ZFYVE26: variants seen among roughly 807,000 people sequenced by gnomAD.
ZFYVE26 encodes the protein zinc finger FYVE domain-containing protein 26.
A neutral mutation model predicts 276.5 loss-of-function variants in ZFYVE26; 181 were observed. The ratio of observed to expected loss-of-function variants is 0.65; its 90% CI spans 0.58 to 0.74. The LOEUF (loss-of-function observed/expected upper bound fraction) is 0.74, where lower values mean the gene tolerates loss of function less well. Ranked by LOEUF, ZFYVE26 falls within the 30% of genes least tolerant of loss-of-function variation. ZFYVE26 has a pLI of 0.00. For missense variants in ZFYVE26, 2,821 were observed against 3,097.9 expected (o/e 0.91, Z 2.12); for synonymous variants, 1,129 against 1,203.1 (o/e 0.94, Z 1.27).
intron 8 of ZFYVE26, 122 bp downstream of exon 8, chr14:67,805,095 A>T: frequency 1.1e-6 from 1 of 887,018 alleles, no homozygotes; most frequent in Non-Finnish European, 1.8e-6. Context: ...AATTTTTAGT[A>T]GCTGGTCAAC....
chr14:67,782,892 G>A lies in ZFYVE26; in HGVS notation c.4260C>T (p.Ser1420=), dbSNP rs375157574. Residue 1420 remains serine, a synonymous_variant, in exon 21 of 42, where the codon TCC becomes TCT. Transcript: ENST00000347230. ...CCCGGGACCAATCTCTGGCCACCAA[G>A]GATTCCTCAAAAGCCTCACTCAGTA... ...LDVLSEAFEE[S]LVARDWSRAL... is the part of the protein sequence containing the mutation. The A allele has an allele frequency of 3.7e-6, 6 of 1,614,096 alleles. No individual in the cohort carries two copies. In the African/African-American group the frequency reaches 6.7e-5, roughly 18 times the overall value.
At chr14:67,752,289 G>A in intron 40 of ZFYVE26, 55 bp downstream of exon 40, 1 of 1,550,568 alleles carries the variant, frequency 6.4e-7, no homozygotes. Flanking sequence ...TAAAGATGGG[G>A]ATGTGAAGAC....
chr14:67,729,489 A>G, exon 14 of ZFYVE26: 1 of 1,135,854 alleles, frequency 8.8e-7, no homozygotes, highest in Non-Finnish European at 1.3e-6. Context: ...GATGCAATCC[A>G]GGTTTGGGTT....
intron 13 of ZFYVE26, among the ~76,000 whole-genome samples, chr14:67,741,204 A>G (rs1414600235): frequency 6.6e-6 from 1 of 152,212 alleles, no homozygotes; most frequent in Non-Finnish European, 1.5e-5. Flanking sequence ...GCAGTTAAGT[A>G]GAGTTTTCCT....
chr14:67,782,657 AATAAC>A, intron 21 of ZFYVE26, 118 bp downstream of exon 21: 1 of 1,504,134 alleles, frequency 6.6e-7, no homozygotes, highest in South Asian at 1.1e-5. Context: ...GTCTCCTCTT[AATAAC>A]ATGAGATTAT....
rs184244340 is a variant in ZFYVE26 at position 67,735,473 on chromosome 14, G to A, written n.2680-5654C>T. The A allele has an allele frequency of 1.1e-3, 658 of 580,054 alleles. 1 individual carries two copies. Among genetic ancestry groups the A allele is most frequent in the Non-Finnish European group, 1.6e-3 (534 of 324,412 alleles). The allele number at this position is 580,054 out of a possible 1,614,324, so 35.9% of individuals were successfully genotyped here. A position where few individuals can be genotyped will look rare whatever the true frequency, so the allele number is the denominator to read the frequency against. On this transcript the variant is annotated intron_variant and non_coding_transcript_variant, in intron 13 of 14. Coordinates refer to the ZFYVE26 transcript ENST00000394455. ...GCACAAACAATGCCGGGGGATTGGT[G>A]GCCGAGACACCGTTCGACCTTCCCA...
intron 13 of ZFYVE26, among the ~76,000 whole-genome samples, chr14:67,736,385 G>A (rs1011100978): frequency 3.3e-5 from 5 of 152,182 alleles, no homozygotes; most frequent in African/African-American, 1.2e-4. Context: ...TGTAGAAGAG[G>A]CATTTCAAAT....
Position 67,798,641 on chromosome 14 carries a change from G to A in ZFYVE26, c.1640-19C>T. On this transcript the variant is annotated intron_variant, in intron 10 of 41. Transcript: ENST00000347230. ...GCAGCACCTACAAAAACATGTACAA[G>A]AGAAGAGGCCAGAGAAAGAGAAGAC... The A allele has an allele frequency of 6.2e-7, 1 of 1,613,516 alleles. No individual in the cohort carries two copies. The highest frequency in any genetic ancestry group is 8.5e-7 in the Non-Finnish European group (1 of 1,180,018).
intron 13 of ZFYVE26, among the ~76,000 whole-genome samples, chr14:67,738,367 A>C (rs1056567064): frequency 1.3e-5 from 2 of 148,436 alleles, no homozygotes; most frequent in African/African-American, 2.4e-5. Context: ...TAATATACTT[A>C]TAAATATATA....
At chr14:67,738,981 T>C (rs979396535) in intron 13 of ZFYVE26, among the ~76,000 whole-genome samples, 1 of 152,176 alleles carries the variant, frequency 6.6e-6, no homozygotes, top group Non-Finnish European at 1.5e-5. Context: ...GAAAATGTTT[T>C]TGAAAGCAAC....
chr14:67,776,075 G>A lies in ZFYVE26; in HGVS notation c.5006C>T (p.Ala1669Val). Reference sequence around the variant, plus strand: ...GTTAGAGGACAAGTGGGAATAGCTGGCCCGGTGCTGCTCAGGCAGGGTCAG... The same window carrying A: ...GTTAGAGGACAAGTGGGAATAGCTGACCCGGTGCTGCTCAGGCAGGGTCAG... ...ILLTLPEQHR[A>V]SYSHLSSNPL... Residue 1669 changes from alanine (A) to valine (V), a missense_variant, in exon 26 of 42, where the codon GCC becomes GTC. Transcript: ENST00000347230. 1 of 1,614,208 alleles carries A rather than the reference G, an allele frequency of 6.2e-7. No homozygotes were observed. The highest frequency in any genetic ancestry group is 8.5e-7 in the Non-Finnish European group (1 of 1,180,030).
In ZFYVE26 at chr14:67,771,534, G is replaced by A. The variant is rs865796498; in HGVS notation, c.5484+513C>T. On this transcript the variant is annotated intron_variant, in intron 28 of 41. Transcript: ENST00000347230. ...ATGTGGCATACTGGGCAGGTACTGC[G>A]TTAAGTATGGTGACACATATTATCA... Among the ~76,000 whole-genome samples, 18 of 152,350 alleles carry A rather than the reference G, an allele frequency of 1.2e-4. No homozygotes were observed. The East Asian group carries it at 1.7e-3, about 15-fold the overall frequency.
chr14:67,753,655 T>C, intron 39 of ZFYVE26, 52 bp downstream of exon 39: 2 of 1,568,886 alleles, frequency 1.3e-6, no homozygotes, highest in Non-Finnish European at 1.8e-6. Context: ...CTCCCGGAAC[T>C]GTGGTCAGGT....
chr14:67,758,613 G>T (rs2038848603), intron 35 of ZFYVE26, among the ~76,000 whole-genome samples: 1 of 134,326 alleles, frequency 7.4e-6, no homozygotes, highest in South Asian at 2.7e-4. Context: ...GATACTAAAA[G>T]GATAAATAGA....
At chr14:67,799,555 C>T in intron 10 of ZFYVE26, 1 of 1,531,508 alleles carries the variant, frequency 6.5e-7, no homozygotes, top group East Asian at 2.2e-5. Context: ...CAAAGTACTG[C>T]AAGTCTTCCA....
intron 5 of ZFYVE26, among the ~76,000 whole-genome samples, chr14:67,807,082 CAGGTGTGTGCCAT>C (rs2040196262): frequency 1.3e-5 from 2 of 152,124 alleles, no homozygotes; most frequent in Non-Finnish European, 2.9e-5. Context: ...GCTTGAACCA[CAGGTGTGTGCCAT>C]CACGCCTAGC....
intron 40 of ZFYVE26, among the ~76,000 whole-genome samples, chr14:67,751,829 T>C (rs2140180326): frequency 6.6e-6 from 1 of 150,862 alleles, no homozygotes; most frequent in South Asian, 2.1e-4. Flanking sequence ...GCTGAGATAC[T>C]CCAGCCTGGG....
chr14:67,777,491 C>T lies in ZFYVE26; in HGVS notation c.4974+68G>A, dbSNP rs116861916. 6.1e-3 allele frequency: 9,846 copies of T among 1,611,012 alleles called. 52 individuals are homozygous for T. Among genetic ancestry groups the T allele is most frequent in the Non-Finnish European group, 7.2e-3 (8,497 of 1,179,014 alleles). ...AGTCTCTCCCTCAGGTATGCCTTCC[C>T]AACACCTCCTTTTCCTCCTTACCTT... On this transcript the variant is annotated intron_variant, in intron 25 of 41. Transcript: ENST00000347230.
intron 21 of ZFYVE26, among the ~76,000 whole-genome samples, chr14:67,782,114 G>A (rs532644870): frequency 6.6e-6 from 1 of 152,242 alleles, no homozygotes; most frequent in South Asian, 2.1e-4. Flanking sequence ...CTTTCCAAAG[G>A]GAGCCAAGCC....
Sources: gnomAD v4.1 joint callset for allele counts (sites outside exome capture counted in the v4.1 genomes callset) on GRCh38, gnomAD v4.1.1 for gene constraint, MANE v1.5 for transcripts, NCBI Gene and HGNC (gene_info 2026-07-23, HGNC 2026-07-21) for gene names.